Variants in NPRL3 observed in about 807,000 individuals in gnomAD.
NPRL3 encodes GATOR1 complex protein NPRL3.
Under a neutral mutation model 57.2 loss-of-function variants are expected in NPRL3, and 23 were observed. The observed-to-expected ratio is 0.40, with a 90% CI of 0.29 to 0.57. The LOEUF is 0.57. NPRL3 is among the 20% of genes least tolerant of loss of function. The pLI is 0.42. For synonymous variants in NPRL3, 333 were observed against 321.1 expected, an observed-to-expected ratio of 1.04 and a Z score of -0.39; for missense variants, 691 against 767.1, an observed-to-expected ratio of 0.90 and a Z score of 1.17.
At chr16:132,833 C>T (rs1900876931) in intron 2 of NPRL3, among the ~76,000 whole-genome samples, 1 of 152,110 alleles carries the variant, frequency 6.6e-6, no homozygotes, top group African/African-American at 2.4e-5. Flanking sequence ...CTATGCCCGG[C>T]TAATTTTTTG....
chr16:92,993 G>A, intron 10 of NPRL3: 1 of 613,474 alleles, frequency 1.6e-6, no homozygotes, highest in Middle Eastern at 4.3e-4. Context: ...CTGGAGGAGG[G>A]GGCCAGGCAT....
intron 7 of NPRL3, among the ~76,000 whole-genome samples, chr16:102,380 C>T (rs1179161130): frequency 6.6e-6 from 1 of 152,176 alleles, no homozygotes; most frequent in Non-Finnish European, 1.5e-5. Context: ...GGGGGGATCT[C>T]CACCTACTCT....
chr16:103,144 T>A (rs1437963215), intron 7 of NPRL3, among the ~76,000 whole-genome samples: 1 of 150,668 alleles, frequency 6.6e-6, no homozygotes, highest in African/African-American at 2.4e-5. Flanking sequence ...AAAGGTCTAT[T>A]TTTTTTTTCT....
intron 7 of NPRL3, among the ~76,000 whole-genome samples, chr16:103,671 C>T (rs911289579): frequency 1.3e-5 from 2 of 152,170 alleles, no homozygotes; most frequent in Non-Finnish European, 2.9e-5. Flanking sequence ...GGGCTTCACT[C>T]AGCGGCATCT....
In NPRL3 at chr16:85,503, T is replaced by A; in HGVS notation, c.*1202A>T. 6.2e-7 allele frequency: 1 copy of A among 1,613,338 alleles called. No homozygotes were observed. Among genetic ancestry groups the A allele is most frequent in the Non-Finnish European group, 8.5e-7 (1 of 1,180,026 alleles). ...CTCCGGAAAGGCACCGCCAGCCGTGTCCTCAAGGACCGCGAGCTCTGCAGT... is the reference window on the plus strand; with the variant it reads ...CTCCGGAAAGGCACCGCCAGCCGTGACCTCAAGGACCGCGAGCTCTGCAGT... On this transcript the variant is annotated 3_prime_UTR_variant, in exon 14 of 14. Coordinates refer to ENST00000611875, the MANE Select transcript of NPRL3 (RefSeq NM_001077350.3).
At chr16:109,320 G>C (rs1899678464) in intron 7 of NPRL3, among the ~76,000 whole-genome samples, 1 of 152,112 alleles carries the variant, frequency 6.6e-6, no homozygotes, top group South Asian at 2.1e-4. Flanking sequence ...CAGAACAACT[G>C]TGAGGTTTTC....
At chr16:137,045 T>TAA (rs71391116) in intron 2 of NPRL3, among the ~76,000 whole-genome samples, 939 of 66,082 alleles carry the variant, frequency 0.014, 50 homozygotes, top group African/African-American at 0.056. Context: ...CCATCTCTAC[T>TAA]AAAAAAAAAA....
chr16:115,352 T>C (rs1899984983), intron 5 of NPRL3, among the ~76,000 whole-genome samples: 2 of 152,070 alleles, frequency 1.3e-5, no homozygotes, highest in Non-Finnish European at 2.9e-5. Flanking sequence ...AGAATATATA[T>C]TTAAAATGAC....
At chr16:134,042 G>A (rs767565213) in intron 2 of NPRL3, among the ~76,000 whole-genome samples, 17 of 152,200 alleles carry the variant, frequency 1.1e-4, no homozygotes, top group African/African-American at 3.6e-4. Context: ...ATGTATCACC[G>A]TAACAGATAC....
At position 124,718 on chromosome 16, in the gene NPRL3, A is replaced by T. The variant is rs114063662; in HGVS notation, c.189-5463T>A. Among the ~76,000 whole-genome samples the T allele has an allele frequency of 3.1e-3, 467 of 152,314 alleles. 2 individuals are homozygous for T. The highest frequency in any genetic ancestry group is 0.011 in the African/African-American group (439 of 41,574). On this transcript the variant is annotated intron_variant, in intron 3 of 13. Transcript: ENST00000611875. The stretch of plus-strand genomic sequence containing the variant: ...TAAAGTGGTCATGGTGGATCCATAT[A>T]TATTTGTCAGAAAACATCTGGGCTT...
chr16:95,013 G>A (rs1301039445), intron 9 of NPRL3, among the ~76,000 whole-genome samples: 2 of 151,986 alleles, frequency 1.3e-5, no homozygotes, highest in African/African-American at 4.8e-5. Flanking sequence ...CCTCTTCAAC[G>A]GCCAGTGTCT....
In NPRL3 at chr16:86,630, C is replaced by CG. The variant is rs1459371704; in HGVS notation, c.*74dup. 3.1e-5 allele frequency: 44 copies of CG among 1,430,320 alleles called. No individual in the cohort carries two copies. In the South Asian group the frequency reaches 5.3e-4, roughly 17 times the overall value. 88.6% of individuals were successfully genotyped at this position (1,430,320 alleles called of 1,614,324 possible). A position where few individuals can be genotyped will look rare whatever the true frequency, so the allele number is the denominator to read the frequency against. ...GGGCCAAGAGGGCTCAGCCTCAGCACGGGGGGAGCCCTGGGGTGGGGAGAC... is the reference window on the plus strand; with the variant it reads ...GGGCCAAGAGGGCTCAGCCTCAGCACGGGGGGGAGCCCTGGGGTGGGGAGAC... On this transcript the variant is annotated 3_prime_UTR_variant, in exon 14 of 14. Coordinates refer to ENST00000611875, the MANE Select transcript of NPRL3 (RefSeq NM_001077350.3).
intron 9 of NPRL3, among the ~76,000 whole-genome samples, chr16:94,011 G>A (rs1898879410): frequency 6.6e-6 from 1 of 152,158 alleles, no homozygotes; most frequent in South Asian, 2.1e-4. Flanking sequence ...GCCCAGCTGG[G>A]CAGGGGGCTT....
chr16:93,391 T>G (rs947490573), intron 9 of NPRL3, 66 bp from the exon 10 acceptor site: 8 of 1,084,908 alleles, frequency 7.4e-6, no homozygotes, highest in Non-Finnish European at 1.1e-5. Flanking sequence ...TGTCAGCAGC[T>G]CTCAGCCTGG....
chr16:132,694 G>A (rs1471660606), intron 2 of NPRL3, among the ~76,000 whole-genome samples: 1 of 148,682 alleles, frequency 6.7e-6, no homozygotes, highest in Admixed American at 6.7e-5. Flanking sequence ...TTTTGAGACG[G>A]AGTCTCGCTC....
At chr16:114,120 G>C (rs1567140540) in intron 5 of NPRL3, among the ~76,000 whole-genome samples, 1 of 152,188 alleles carries the variant, frequency 6.6e-6, no homozygotes, top group African/African-American at 2.4e-5. Context: ...AGCAAAGCAA[G>C]GAGGAGGACA....
At chr16:128,765 C>T (rs1326706454) in intron 3 of NPRL3, among the ~76,000 whole-genome samples, 1 of 151,058 alleles carries the variant, frequency 6.6e-6, no homozygotes, top group African/African-American at 2.4e-5. Context: ...GAGACTCCGT[C>T]TCAAAAAAAA....
intron 13 of NPRL3, among the ~76,000 whole-genome samples, chr16:87,245 T>C (rs1365239161): frequency 2.0e-5 from 3 of 152,068 alleles, no homozygotes; most frequent in East Asian, 1.9e-4. Context: ...TTTTCCTTTT[T>C]TTGAGAGACG....
chr16:92,289 G>A (rs566517553), intron 11 of NPRL3, among the ~76,000 whole-genome samples: 2 of 152,290 alleles, frequency 1.3e-5, no homozygotes, highest in African/African-American at 4.8e-5. Context: ...TGTAGGCCCA[G>A]AAAAGGTAAG....
Sources: gnomAD v4.1 joint callset for allele counts (sites outside exome capture counted in the v4.1 genomes callset) on GRCh38, gnomAD v4.1.1 for gene constraint, MANE v1.5 for transcripts, NCBI Gene and HGNC (gene_info 2026-07-23, HGNC 2026-07-21) for gene names.